The following NAV1 variants were observed in gnomAD, a reference collection of about 807,000 sequenced individuals.
The protein encoded by NAV1 is pore membrane and/or filament interacting like protein 3.
Under a neutral mutation model 175.2 loss-of-function variants are expected in NAV1, and 18 were observed. The ratio of observed to expected loss-of-function variants is 0.10; its 90% CI spans 0.07 to 0.15. The LOEUF is 0.15. Among genes scored for constraint, NAV1 ranks in the 10% least tolerant of loss-of-function variants. The pLI, the probability that NAV1 is intolerant of heterozygous loss-of-function variation, is 1.00. For synonymous variants in NAV1, 897 were observed against 978.7 expected (o/e 0.92, Z 1.56); for missense variants, 1,731 against 2,436.6 (o/e 0.71, Z 6.10).
rs1015007932 is a variant in NAV1 at position 201,589,978 on chromosome 1, C to T, written c.-33+1329C>T. On this transcript the variant is annotated intron_variant, in intron 2 of 33. Transcript: ENST00000685211. ...CACGATCTCAGCTCACTGCAACCTT[C>T]GGCTCCCAGGTTCAAGCAATTCTCC... 5.3e-5 allele frequency among the ~76,000 whole-genome samples: 8 copies of T among 152,122 alleles called. No homozygotes were observed. In the South Asian group the frequency reaches 8.3e-4, roughly 16 times the overall value.
At chr1:201,698,094 A>G (rs1671265177) in intron 1 of NAV1, among the ~76,000 whole-genome samples, 1 of 152,192 alleles carries the variant, frequency 6.6e-6, no homozygotes, top group African/African-American at 2.4e-5. Flanking sequence ...TGATGCCCAG[A>G]GCCAGTCCTT....
intron 1 of NAV1, among the ~76,000 whole-genome samples, chr1:201,702,672 T>TTCCCTCTCTC (rs1365276379): frequency 1.2e-3 from 2 of 1,718 alleles, no homozygotes; most frequent in Non-Finnish European, 4.6e-3. Context: ...GGTATGTGAA[T>TTCCCTCTCTC]TCTCTCTCTC....
intron 1 of NAV1, among the ~76,000 whole-genome samples, chr1:201,585,486 C>T (rs77304905): frequency 0.1 from 15,437 of 152,064 alleles, 972 homozygotes; most frequent in Admixed American, 0.14. Context: ...AAATTAAAAA[C>T]ATTTGTGCCT....
intron 1 of NAV1, among the ~76,000 whole-genome samples, chr1:201,708,538 A>G (rs543673745): frequency 6.6e-6 from 1 of 152,170 alleles, no homozygotes; most frequent in Admixed American, 6.5e-5. Context: ...AGGCCCCCAG[A>G]GTAAGTTTTG....
At chr1:201,764,195 T>G (rs889850129) in intron 3 of NAV1, among the ~76,000 whole-genome samples, 2 of 152,250 alleles carry the variant, frequency 1.3e-5, no homozygotes, top group Non-Finnish European at 2.9e-5. Context: ...TGGGGGATAT[T>G]GACATGTAGA....
chr1:201,543,381 C>T (rs1415302048), intron 1 of NAV1, among the ~76,000 whole-genome samples: 2 of 152,018 alleles, frequency 1.3e-5, no homozygotes, highest in African/African-American at 4.8e-5. Flanking sequence ...TTTTCTGTAT[C>T]ACTCGAGATA....
intron 2 of NAV1, among the ~76,000 whole-genome samples, chr1:201,600,660 A>G (rs1205896337): frequency 2.0e-5 from 3 of 152,070 alleles, no homozygotes; most frequent in Non-Finnish European, 4.4e-5. Flanking sequence ...TCAAAAAAAT[A>G]GGTGAGGGAG....
Position 201,718,609 on chromosome 1 carries a change from G to A in NAV1, c.1080G>A (p.Met360Ile). 1 of 1,614,200 alleles carries A rather than the reference G, an allele frequency of 6.2e-7. No homozygotes were observed. The highest frequency in any genetic ancestry group is 8.5e-7 in the Non-Finnish European group (1 of 1,180,046). The change falls in exon 3 of 30, where the codon ATG becomes ATA. Residue 360 changes from methionine to isoleucine, a missense_variant. By Grantham distance (10) the Met-to-Ile change is conservative. Coordinates refer to ENST00000367296, the Ensembl canonical transcript of NAV1. This position sits in a 1 kb window ranked among gnomAD's most constrained non-coding sequence, Gnocchi z 4.8. ...CCCACTACTCCCACACCATGCCCATGCGCAGCCCCAGCAAGCTCAGCCATA... is the reference window on the plus strand; with the variant it reads ...CCCACTACTCCCACACCATGCCCATACGCAGCCCCAGCAAGCTCAGCCATA...
At chr1:201,716,550 T>C (rs1275727158) in intron 2 of NAV1, among the ~76,000 whole-genome samples, 1 of 152,208 alleles carries the variant, frequency 6.6e-6, no homozygotes, top group Admixed American at 6.5e-5. Context: ...AGACACTGTA[T>C]GAGGCAGAGC....
intron 13 of NAV1, chr1:201,791,980 G>C (rs564959035): frequency 9.2e-5 from 14 of 152,300 alleles, no homozygotes; most frequent in African/African-American, 2.9e-4. Flanking sequence ...TGCTGGGGGG[G>C]AGAGGCGCCA....
intron 15 of NAV1, 60 bp from the exon 20 acceptor site, chr1:201,803,533 T>C: frequency 1.9e-6 from 3 of 1,559,550 alleles, no homozygotes; most frequent in African/African-American, 2.7e-5. Context: ...TAGACTTGCC[T>C]GAAGTCTCAC....
At chr1:201,657,994 C>T (rs1001608177) in intron 1 of NAV1, among the ~76,000 whole-genome samples, 1 of 152,126 alleles carries the variant, frequency 6.6e-6, no homozygotes, top group African/African-American at 2.4e-5. Flanking sequence ...GATCACGCCA[C>T]TGCACTCCAG....
chr1:201,759,824 G>T (rs1198515272), intron 3 of NAV1, among the ~76,000 whole-genome samples: 2 of 152,062 alleles, frequency 1.3e-5, no homozygotes, highest in South Asian at 2.1e-4. Context: ...CTACCTTCTC[G>T]TGACCACTTC....
intron 1 of NAV1, among the ~76,000 whole-genome samples, chr1:201,585,629 A>T (rs1025333597): frequency 1.3e-5 from 2 of 151,836 alleles, no homozygotes; most frequent in African/African-American, 4.8e-5. Context: ...GACAAAAAAA[A>T]CTGATTTTTT....
chr1:201,578,992 G>A lies in NAV1; in HGVS notation c.-143-9547G>A, dbSNP rs543147697. 5.3e-5 allele frequency among the ~76,000 whole-genome samples: 8 copies of A among 152,126 alleles called. No individual in the cohort carries two copies. In the South Asian group the frequency reaches 1.7e-3, roughly 32 times the overall value. On this transcript the variant is annotated intron_variant, in intron 1 of 33. Transcript: ENST00000685211. ...TACTAATAATATAAAAATTAGCCAA[G>A]CATGATGGCACACACCTGTAATCCC...
intron 1 of NAV1, among the ~76,000 whole-genome samples, chr1:201,549,079 C>CTTTCTT (rs1665752956): frequency 7.9e-5 from 2 of 25,316 alleles, no homozygotes; most frequent in African/African-American, 2.1e-4. Context: ...CTAGTTTTCT[C>CTTTCTT]TTTCTTTCTT....
At position 201,718,311 on chromosome 1, in the gene NAV1, T is replaced by G; in HGVS notation, c.861-79T>G. ...AGGGCCTGTGGGTGGAGGGGAGGCA[T>G]TGCTGGGGTGCATGTGAGGGGACAG... is the stretch of plus-strand genomic sequence containing the variant. On this transcript the variant is annotated intron_variant, in intron 2 of 29. Coordinates refer to ENST00000367296, the Ensembl canonical transcript of NAV1. The surrounding 1 kb of genome is among the most constrained non-coding windows in gnomAD (Gnocchi z 4.8). 7.2e-7 allele frequency: 1 copy of G among 1,395,200 alleles called. No homozygotes were observed. 86.4% of individuals were successfully genotyped at this position (1,395,200 alleles called of 1,614,324 possible). A position where few individuals can be genotyped will look rare whatever the true frequency, so the allele number is the denominator to read the frequency against.
At chr1:201,623,703 G>C in intron 1 of NAV1, 97 bp downstream of exon 3, 1 of 978,352 alleles carries the variant, frequency 1.0e-6, no homozygotes, top group Non-Finnish European at 1.2e-6. Flanking sequence ...ATCAGTGGCT[G>C]GTAAAGACCA....
At position 201,808,348 on chromosome 1, in the gene NAV1, G is replaced by T; in HGVS notation, c.3846-70G>T. 1 of 1,518,650 alleles carries T rather than the reference G, an allele frequency of 6.6e-7. No homozygotes were observed. Among genetic ancestry groups the T allele is most frequent in the Admixed American group, 2.0e-5 (1 of 49,648 alleles). The allele number at this position is 1,518,650 out of a possible 1,614,324, so 94.1% of individuals were successfully genotyped here. ...AGGAGAAGCCAAGACCACCAACCATGCCTCTCAATATTCTCTAGTAACTCT... is the reference window on the plus strand; with the variant it reads ...AGGAGAAGCCAAGACCACCAACCATTCCTCTCAATATTCTCTAGTAACTCT... On this transcript the variant is annotated intron_variant, in intron 18 of 29. Transcript: ENST00000367296. The surrounding 1 kb of genome is among the most constrained non-coding windows in gnomAD (Gnocchi z 5.5).
Sources: gnomAD v4.1 joint callset for allele counts (sites outside exome capture counted in the v4.1 genomes callset) on GRCh38, gnomAD v4.1.1 for gene constraint, Gnocchi (gnomAD v3.1) non-coding constraint, MANE v1.5 for transcripts, NCBI Gene and HGNC (gene_info 2026-07-23, HGNC 2026-07-21) for gene names.